Variants in CHRNB4 observed in about 807,000 individuals in gnomAD.
The protein encoded by CHRNB4 is cholinergic receptor nicotinic beta 4 subunit.
A neutral mutation model predicts 40.4 loss-of-function variants in CHRNB4; 23 were observed. The observed-to-expected ratio is 0.57, with a 90% CI of 0.41 to 0.81. The LOEUF (loss-of-function observed/expected upper bound fraction) is 0.81, where lower values mean the gene tolerates loss of function less well. Among genes scored for constraint, CHRNB4 ranks in the 30% least tolerant of loss-of-function variants. The pLI, the probability that CHRNB4 is intolerant of heterozygous loss-of-function variation, is 0.00. For synonymous variants in CHRNB4, 285 were observed against 274.4 expected, an observed-to-expected ratio of 1.04 and a Z score of -0.38; for missense variants, 568 against 670.6, an observed-to-expected ratio of 0.85 and a Z score of 1.69.
intron 1 of CHRNB4, among the ~76,000 whole-genome samples, chr15:78,637,024 G>A (rs532702325): frequency 8.5e-5 from 13 of 152,302 alleles, no homozygotes; most frequent in Middle Eastern, 3.4e-3. Flanking sequence ...TCCGGGTTCA[G>A]ACTTAGACCT....
At position 78,632,181 on chromosome 15, in the gene CHRNB4, CTTT is replaced by C. The variant is rs1567119478; in HGVS notation, c.205-852_205-850del. Reference sequence around the variant, plus strand: ...TCTTTTCTTTTCTTTCTCTTTCTTTCTTTCTTTCTTTCTTTCTTTCTTTCTTTC... The same window carrying C: ...TCTTTTCTTTTCTTTCTCTTTCTTTCCTTTCTTTCTTTCTTTCTTTCTTTC... On this transcript the variant is annotated intron_variant, in intron 2 of 5. Transcript: ENST00000261751. 3.4e-3 allele frequency among the ~76,000 whole-genome samples: 39 copies of C among 11,588 alleles called. 1 individual carries two copies. Among genetic ancestry groups the C allele is most frequent in the African/African-American group, 8.8e-3 (37 of 4,196 alleles). The allele number at this position is 11,588 out of a possible 152,430, so 7.6% of individuals were successfully genotyped here.
intron 6 of CHRNB4, chr15:78,649,527 A>G (rs1030178684): frequency 3.4e-5 from 12 of 355,286 alleles, no homozygotes; most frequent in South Asian, 2.3e-4. Flanking sequence ...AACAGAGACC[A>G]TATGTTGCCT....
In CHRNB4 at chr15:78,635,567, C is replaced by T. The variant is rs998651619; in HGVS notation, c.76G>A (p.Ala26Thr). ...CGRGNCRVAN[A>T]EEKLMDDLLN... ...AGGTCGTCCATCAGCTTTTCCTCCG[C>T]ATTGGCCACGCGGCAGTTCCCTGAG... Residue 26 changes from alanine (A) to threonine (T), a missense_variant, in exon 2 of 6, where the codon GCG becomes ACG. This residue lies in a region of CHRNB4 where 161 missense variants were observed against 148.1 expected (regional missense o/e 1.09). Coordinates refer to ENST00000261751, the MANE Select transcript of CHRNB4 (RefSeq NM_000750.5). 1.2e-6 allele frequency: 2 copies of T among 1,614,166 alleles called. No homozygotes were observed. Among genetic ancestry groups the T allele is most frequent in the Non-Finnish European group, 1.7e-6 (2 of 1,180,014 alleles).
intron 5 of CHRNB4, chr15:78,627,564 C>T (rs745420061): frequency 1.3e-5 from 2 of 152,134 alleles, no homozygotes; most frequent in Non-Finnish European, 2.9e-5. Flanking sequence ...AATCTCAAAA[C>T]GGTAAGAATG....
chr15:78,625,889 G>C (rs529215447), intron 5 of CHRNB4: 1 of 152,244 alleles, frequency 6.6e-6, no homozygotes, highest in Non-Finnish European at 1.5e-5. Context: ...GGGGTGTGAG[G>C]TTGGCAGAGA....
rs1212934230 is a variant in CHRNB4 at position 78,629,266 on chromosome 15, T to C, written c.1039A>G (p.Met347Val). Reference protein sequence around the residue: ...FLHKLPTFLFMKRPGPDSSPA... With the variant: ...FLHKLPTFLFVKRPGPDSSPA... ...CTGCTGTCGGGGCCAGGGCGCTTCA[T>C]GAAGAGGAAGGTAGGCAGCTTGTGC... Residue 347 changes from methionine (M) to valine (V), a missense_variant, in exon 5 of 6, where the codon ATG (methionine) becomes GTG (valine). By Grantham distance (21) the Met-to-Val change is conservative. Around this residue, in one of 4 missense-constraint regions of CHRNB4, gnomAD observed 242 missense variants for 274.9 expected, o/e 0.88. Transcript: ENST00000261751. This position sits in a 1 kb window ranked among gnomAD's most constrained non-coding sequence, Gnocchi z 6.8. 6.2e-7 allele frequency: 1 copy of C among 1,613,234 alleles called. No homozygotes were observed. The highest frequency in any genetic ancestry group is 8.5e-7 in the Non-Finnish European group (1 of 1,179,502).
In CHRNB4 at chr15:78,624,829, G is replaced by T. The variant is rs2053612990; in HGVS notation, c.*304C>A. On this transcript the variant is annotated 3_prime_UTR_variant, in exon 6 of 6. Coordinates refer to ENST00000261751, the MANE Select transcript of CHRNB4 (RefSeq NM_000750.5). ...GAGGCAGGCCGGCACCATGCCTGAA[G>T]CATAGTAGGTGCTGCTACGAAGTCA... 2 of 783,672 alleles carry T rather than the reference G, an allele frequency of 2.6e-6. No homozygotes were observed. The highest frequency in any genetic ancestry group is 1.7e-5 in the African/African-American group (1 of 57,520). The allele number at this position is 783,672 out of a possible 1,614,324, so 48.5% of individuals were successfully genotyped here. A position where few individuals can be genotyped will look rare whatever the true frequency, so the allele number is the denominator to read the frequency against.
chr15:78,641,110 G>A lies in CHRNB4; in HGVS notation c.24C>T (p.Val8=). Residue 8 remains valine (V), a synonymous_variant, in exon 1 of 6, where the codon GTC becomes GTT. Coordinates refer to ENST00000261751, the MANE Select transcript of CHRNB4 (RefSeq NM_000750.5). ...CGCAAAGGGCGACCAGGAAGAAAAG[G>A]ACCAGGGAAGGCGCGCGCCTCATGG... MRRAPSL[V]LFFLVALCGR... 1.3e-6 allele frequency: 2 copies of A among 1,581,136 alleles called. No individual in the cohort carries two copies. The highest frequency in any genetic ancestry group is 1.2e-5 in the South Asian group (1 of 86,598).
At chr15:78,641,271 A>AGAGCCCCGCC (rs375047933), upstream of CHRNB4, 2,011 of 720,400 alleles carry the variant, frequency 2.8e-3, 41 homozygotes, top group African/African-American at 0.035. Context: ...GACCCCGCGG[A>AGAGCCCCGCC]GAGCCCCGCC....
Position 78,625,149 on chromosome 15 carries a change from G to A in CHRNB4, c.1481C>T (p.Ala494Val). The stretch of plus-strand genomic sequence containing the variant: ...AGGGGGCCCTCAGTCACGCTGGGCA[G>A]CGTAGGGCCCCTCAGAAGCTGCATG... ...QTHAASEGPY[A>V]AQRD The change falls in exon 6 of 6, where the codon GCT (alanine) becomes GTT (valine). Residue 494 changes from alanine to valine, a missense_variant. Physicochemically the swap from Ala to Val is moderately conservative, Grantham distance 64. Coordinates refer to ENST00000261751, the MANE Select transcript of CHRNB4 (RefSeq NM_000750.5). 1 of 1,614,088 alleles carries A rather than the reference G, an allele frequency of 6.2e-7. No individual in the cohort carries two copies. Among genetic ancestry groups the A allele is most frequent in the Non-Finnish European group, 8.5e-7 (1 of 1,180,002 alleles).
At chr15:78,656,572 A>G (rs113227391) in exon 4 of CHRNB4, 17 of 152,308 alleles carry the variant, frequency 1.1e-4, no homozygotes, top group African/African-American at 4.1e-4. Flanking sequence ...TTTGCTGCTA[A>G]AAACTTTTAT....
At chr15:78,637,412 G>C (rs1201556911) in intron 1 of CHRNB4, among the ~76,000 whole-genome samples, 2 of 152,084 alleles carry the variant, frequency 1.3e-5, no homozygotes, top group South Asian at 2.1e-4. Flanking sequence ...AGCCTGGGAG[G>C]AGGAAAAGAG....
upstream of CHRNB4, among the ~76,000 whole-genome samples, chr15:78,643,479 A>C (rs1057134614): frequency 6.6e-6 from 1 of 152,214 alleles, no homozygotes; most frequent in South Asian, 2.1e-4. Flanking sequence ...AATTTCCATC[A>C]AAGTTAGGAC....
Position 78,629,338 on chromosome 15 carries a change from AGC to A in CHRNB4, c.965_966del (p.Arg322LeufsTer119). The A allele has an allele frequency of 6.2e-7, 1 of 1,614,022 alleles. No individual in the cohort carries two copies. Among genetic ancestry groups the A allele is most frequent in the Non-Finnish European group, 8.5e-7 (1 of 1,180,026 alleles). On this transcript the variant is annotated frameshift_variant, in exon 5 of 6. Coordinates refer to ENST00000261751, the MANE Select transcript of CHRNB4 (RefSeq NM_000750.5). LOFTEE classifies it high-confidence loss of function. This position sits in a 1 kb window ranked among gnomAD's most constrained non-coding sequence, Gnocchi z 6.8. ...TSVCVLNVHH[R>X]SPSTHTMAPW... ...GGTGCCATGGTGTGGGTGCTGGGCGAGCGGTGGTGCACATTGAGCACACAGAC... is the reference window on the plus strand; with the variant it reads ...GGTGCCATGGTGTGGGTGCTGGGCGAGGTGGTGCACATTGAGCACACAGAC...
intron 3 of CHRNB4, among the ~76,000 whole-genome samples, chr15:78,656,862 C>T (rs2054218326): frequency 6.6e-6 from 1 of 152,132 alleles, no homozygotes; most frequent in African/African-American, 2.4e-5. Flanking sequence ...CCTGGGCCCT[C>T]TTATTCTACA....
chr15:78,630,144 T>C (rs575057068), intron 4 of CHRNB4, among the ~76,000 whole-genome samples, 199 bp from the exon 5 acceptor site: 152 of 45,462 alleles, frequency 3.3e-3, no homozygotes, highest in East Asian at 4.9e-3. Flanking sequence ...AGCACCCCCC[T>C]TTTTTTTTTT....
At chr15:78,630,923 C>T (rs781513534) in intron 4 of CHRNB4, 153 bp downstream of exon 4, 3 of 635,294 alleles carry the variant, frequency 4.7e-6, no homozygotes, top group Non-Finnish European at 5.6e-6. Flanking sequence ...TCTGGCTCTG[C>T]TCACCTCTGT....
intron 6 of CHRNB4, among the ~76,000 whole-genome samples, chr15:78,651,997 T>G (rs1054020007): frequency 2.0e-5 from 3 of 152,214 alleles, no homozygotes; most frequent in Non-Finnish European, 4.4e-5. Flanking sequence ...TGCTAGATAC[T>G]TCATCATTTT....
chr15:78,642,017 G>T (rs747268245), upstream of CHRNB4, among the ~76,000 whole-genome samples: 3 of 152,322 alleles, frequency 2.0e-5, no homozygotes, highest in Admixed American at 6.5e-5. Flanking sequence ...CCTCATACCT[G>T]CTCCCTTGTG....
Sources: allele counts gnomAD v4.1 joint callset (sites outside exome capture counted in the v4.1 genomes callset), GRCh38; gene constraint gnomAD v4.1.1; regional missense constraint gnomAD v4.1.1; non-coding constraint Gnocchi (gnomAD v3.1); transcripts MANE v1.5; gene names NCBI Gene and HGNC (gene_info 2026-07-23, HGNC 2026-07-21).